The following ABCB1 variants were observed in gnomAD, a reference collection of about 807,000 sequenced individuals.
The protein encoded by ABCB1 is ATP-dependent translocase ABCB1.
In ABCB1, 69 loss-of-function variants were observed where a neutral mutation model predicts 142.0. The ratio of observed to expected loss-of-function variants is 0.49; its 90% CI spans 0.40 to 0.59. The LOEUF (loss-of-function observed/expected upper bound fraction) is 0.59. ABCB1 is among the 20% of genes least tolerant of loss of function. The pLI, the probability that ABCB1 is intolerant of heterozygous loss-of-function variation, is 0.00. For missense variants in ABCB1, 1,326 were observed against 1,554.7 expected, an observed-to-expected ratio of 0.85 and a Z score of 2.47; for synonymous variants, 532 against 539.2, an observed-to-expected ratio of 0.99 and a Z score of 0.18.
intron 1 of ABCB1, among the ~76,000 whole-genome samples, chr7:87,686,165 C>G (rs1016586580): frequency 2.0e-5 from 3 of 152,082 alleles, no homozygotes; most frequent in African/African-American, 7.2e-5. Context: ...TTTTTTCTTA[C>G]AATTTTTCTA....
chr7:87,566,043 A>C, intron 7 of ABCB1, 27 bp downstream of exon 7: 1 of 1,614,008 alleles, frequency 6.2e-7, no homozygotes. Context: ...GTGCAGTTCA[A>C]AATCTGGATT....
At chr7:87,518,695 T>C (rs1815356145) in intron 23 of ABCB1, among the ~76,000 whole-genome samples, 2 of 152,344 alleles carry the variant, frequency 1.3e-5, no homozygotes, top group Non-Finnish European at 2.9e-5. Context: ...CCTCCAAATC[T>C]AGAAGCTCAG....
chr7:87,628,616 TGTGTGTGTGG>T (rs1242843703), intron 1 of ABCB1: 8 of 315,318 alleles, frequency 2.5e-5, no homozygotes, highest in South Asian at 1.9e-4. Flanking sequence ...TGTGTGTGTG[TGTGTGTGTGG>T]AGCTCGGGTG....
In ABCB1 at chr7:87,515,319, G is replaced by A. The variant is rs776877163; in HGVS notation, c.3194C>T (p.Thr1065Met). 11 of 1,614,188 alleles carry A rather than the reference G, an allele frequency of 6.8e-6. No individual in the cohort carries two copies. The highest frequency in any genetic ancestry group is 2.2e-5 in the East Asian group (1 of 44,868). The change falls in exon 25 of 28, where the codon ACG becomes ATG. Residue 1065 changes from threonine (T) to methionine (M), a missense_variant. By Grantham distance (81) the Thr-to-Met change is moderately conservative. Transcript: ENST00000622132. ...GLSLEVKKGQ[T>M]LALVGSSGCG... ...GCCACTGCTGCCCACCAGAGCCAGC[G>A]TCTGGCCCTTCTTCACCTCCAGGCT...
intron 18 of ABCB1, 141 bp from the exon 19 acceptor site, chr7:87,539,486 G>T: frequency 1.1e-6 from 1 of 877,740 alleles, no homozygotes; most frequent in Non-Finnish European, 1.8e-6. Flanking sequence ...CTGTGACTGT[G>T]TGCCATGGCA....
chr7:87,510,821 T>C (rs563198978), intron 25 of ABCB1, among the ~76,000 whole-genome samples: 1 of 152,224 alleles, frequency 6.6e-6, no homozygotes, highest in Admixed American at 6.5e-5. Context: ...TGCTCCAGGC[T>C]TCCTTACAAT....
chr7:87,551,493 T>G (rs889291751), intron 9 of ABCB1, among the ~76,000 whole-genome samples: 6 of 152,178 alleles, frequency 3.9e-5, no homozygotes, highest in Admixed American at 3.9e-4. Context: ...AGCATAAAAT[T>G]TTTTTAAAAA....
At chr7:87,700,373 G>A in intron 1 of ABCB1, 1 of 1,480,520 alleles carries the variant, frequency 6.8e-7, no homozygotes, top group Non-Finnish European at 9.1e-7. Flanking sequence ...TTCAAGTCTA[G>A]TTTTATTTTA....
At chr7:87,678,242 C>T (rs1826575509) in intron 1 of ABCB1, among the ~76,000 whole-genome samples, 1 of 152,204 alleles carries the variant, frequency 6.6e-6, no homozygotes, top group African/African-American at 2.4e-5. Context: ...GTGTGAGCCA[C>T]CATGCCTGGC....
intron 22 of ABCB1, among the ~76,000 whole-genome samples, chr7:87,520,223 T>C (rs1815437615): frequency 6.6e-6 from 1 of 152,128 alleles, no homozygotes; most frequent in African/African-American, 2.4e-5. Flanking sequence ...CATCATTTTT[T>C]TTAAATAAAA....
intron 18 of ABCB1, among the ~76,000 whole-genome samples, chr7:87,539,716 T>C (rs1816448992): frequency 6.6e-6 from 1 of 152,162 alleles, no homozygotes; most frequent in South Asian, 2.1e-4. Context: ...AGTTGGGTGG[T>C]CTAACATCTT....
At chr7:87,636,429 A>AT (rs1821782617) in intron 1 of ABCB1, among the ~76,000 whole-genome samples, 1 of 151,972 alleles carries the variant, frequency 6.6e-6, no homozygotes, top group Non-Finnish European at 1.5e-5. Flanking sequence ...CTTTTTGTTT[A>AT]TTTTTTAGAT....
chr7:87,625,988 G>A (rs992282759), intron 1 of ABCB1, among the ~76,000 whole-genome samples: 1 of 133,944 alleles, frequency 7.5e-6, no homozygotes, highest in African/African-American at 2.8e-5. Flanking sequence ...ATATATATAT[G>A]TACATATATA....
intron 1 of ABCB1, among the ~76,000 whole-genome samples, chr7:87,612,241 G>A (rs1218907397): frequency 6.6e-6 from 1 of 152,008 alleles, no homozygotes; most frequent in African/African-American, 2.4e-5. Context: ...TGTTTCTTTT[G>A]CTGTGCAGAA....
At chr7:87,677,505 A>C (rs1398332962) in intron 1 of ABCB1, among the ~76,000 whole-genome samples, 1 of 152,112 alleles carries the variant, frequency 6.6e-6, no homozygotes, top group Non-Finnish European at 1.5e-5. Context: ...TAAAATGTTG[A>C]TTACCAGAGG....
chr7:87,515,221 G>A lies in ABCB1; in HGVS notation c.3282+10C>T, dbSNP rs200792548. 31 of 1,612,880 alleles carry A rather than the reference G, an allele frequency of 1.9e-5. No homozygotes were observed. In the East Asian group the frequency reaches 4.7e-4, roughly 24 times the overall value. On this transcript the variant is annotated intron_variant, in intron 25 of 27. Coordinates refer to ENST00000622132, the MANE Select transcript of ABCB1 (RefSeq NM_001348946.2). ...AACCTGAACTGAGCTAAATGTGAAAGTGTGCTCACCACTTTCCCTGCCAAG... is the reference window on the plus strand; with the variant it reads ...AACCTGAACTGAGCTAAATGTGAAAATGTGCTCACCACTTTCCCTGCCAAG...
intron 5 of ABCB1, among the ~76,000 whole-genome samples, chr7:87,568,262 ATAAT>A (rs954041757): frequency 8.1e-5 from 11 of 135,914 alleles, no homozygotes; most frequent in African/African-American, 2.7e-4. Context: ...AATAATAATA[ATAAT>A]AAAAATTAGC....
intron 4 of ABCB1, among the ~76,000 whole-genome samples, chr7:87,581,781 C>T (rs1057146825): frequency 1.3e-5 from 2 of 152,140 alleles, no homozygotes; most frequent in Admixed American, 6.5e-5. Context: ...CAAGAGCCTC[C>T]GCAAGTCCAA....
At chr7:87,624,383 G>C (rs1270171818) in intron 1 of ABCB1, among the ~76,000 whole-genome samples, 1 of 152,148 alleles carries the variant, frequency 6.6e-6, no homozygotes, top group African/African-American at 2.4e-5. Flanking sequence ...CTATGGTTTG[G>C]TGATCTCTCT....
Sources: allele counts gnomAD v4.1 joint callset (sites outside exome capture counted in the v4.1 genomes callset), GRCh38; gene constraint gnomAD v4.1.1; transcripts MANE v1.5; gene names NCBI Gene and HGNC (gene_info 2026-07-23, HGNC 2026-07-21).